YBEY: variants seen among roughly 807,000 people sequenced by gnomAD.
The protein encoded by YBEY is endoribonuclease YbeY.
In YBEY, 15 loss-of-function variants were observed where a neutral mutation model predicts 13.5. The observed-to-expected ratio is 1.11, with a 90% CI of 0.75 to 1.72. The LOEUF (loss-of-function observed/expected upper bound fraction) is 1.72, where lower values mean the gene tolerates loss of function less well. YBEY is among the 40% of genes most tolerant of loss of function. The probability of loss-of-function intolerance (pLI) is 0.00; values close to 1 mark genes in which losing one functional copy is unlikely to be tolerated. For synonymous variants in YBEY, 101 were observed against 83.1 expected, an observed-to-expected ratio of 1.21 and a Z score of -1.17; for missense variants, 244 against 208.4, an observed-to-expected ratio of 1.17 and a Z score of -1.05.
chr21:46,297,620 T>C lies in YBEY; in HGVS notation c.490T>C (p.Phe164Leu). The change falls in exon 5 of 5, where the codon TTC (phenylalanine) becomes CTC (leucine). Residue 164 changes from phenylalanine (F) to leucine (L), a missense_variant. Physicochemically the swap from Phe to Leu is conservative, Grantham distance 22. Transcript: ENST00000397701. Reference protein sequence around the residue: ...TRLQPLTRGLFGGS With the variant: ...TRLQPLTRGLLGGS ...GCTGCAGCCCCTGACCCGGGGCCTC[T>C]TCGGAGGGAGCTGAGGGCCGCGTTC... 1 of 1,348,338 alleles carries C rather than the reference T, an allele frequency of 7.4e-7. No individual in the cohort carries two copies. Among genetic ancestry groups the C allele is most frequent in the Non-Finnish European group, 9.7e-7 (1 of 1,035,978 alleles). 83.5% of individuals were successfully genotyped at this position (1,348,338 alleles called of 1,614,324 possible).
chr21:46,296,936 G>C (rs955495205), intron 4 of YBEY, among the ~76,000 whole-genome samples: 2 of 151,536 alleles, frequency 1.3e-5, no homozygotes, highest in African/African-American at 2.4e-5. Context: ...GGAGGTTGTG[G>C]TTAGCCGAGA....
intron 3 of YBEY, among the ~76,000 whole-genome samples, chr21:46,295,846 ACTT>A (rs1362013580): frequency 9.0e-5 from 2 of 22,188 alleles, no homozygotes; most frequent in African/African-American, 2.2e-4. Context: ...ACCCCTCCCC[ACTT>A]CTTCATATTC....
chr21:46,301,909 C>A, downstream of YBEY: 1 of 1,378,248 alleles, frequency 7.3e-7, no homozygotes, highest in Non-Finnish European at 9.4e-7. Context: ...GGGTCTCTCC[C>A]TGCTCCCTTC....
At chr21:46,302,568 C>T (rs767943229), downstream of YBEY, 3 of 1,611,204 alleles carry the variant, frequency 1.9e-6, no homozygotes, top group African/African-American at 1.3e-5. Context: ...AGCAGCAGCT[C>T]CACCATGTCT....
the YBEY span, among the ~76,000 whole-genome samples, chr21:46,302,760 C>T: frequency 8.1e-5 from 10 of 123,688 alleles, no homozygotes; most frequent in African/African-American, 2.1e-4. Context: ...CGTCTGCACA[C>T]GGTGCGGGTC....
Position 46,286,875 on chromosome 21 carries a change from G to C in YBEY, c.-39G>C, listed in dbSNP as rs1010181298. On this transcript the variant is annotated 5_prime_UTR_variant, in exon 2 of 5. Transcript: ENST00000397701. ...CTCTTACACTTTAACCCCAGGTTCCGTTGCAAACATTTTTAAAGGGCTGGT... is the reference window on the plus strand; with the variant it reads ...CTCTTACACTTTAACCCCAGGTTCCCTTGCAAACATTTTTAAAGGGCTGGT... The C allele has an allele frequency of 6.2e-7, 1 of 1,606,520 alleles. No homozygotes were observed. The highest frequency in any genetic ancestry group is 8.5e-7 in the Non-Finnish European group (1 of 1,174,082).
At chr21:46,312,536 C>G in the YBEY span, among the ~76,000 whole-genome samples, 4 of 152,142 alleles carry the variant, frequency 2.6e-5, no homozygotes, top group Non-Finnish European at 4.4e-5. Flanking sequence ...CCAGGCTGGT[C>G]TCGAACTCCT....
chr21:46,312,132 CAAG>C, the YBEY span, among the ~76,000 whole-genome samples: 1 of 152,152 alleles, frequency 6.6e-6, no homozygotes, highest in Non-Finnish European at 1.5e-5. Context: ...TTCATCCATC[CAAG>C]GAGAACTTTA....
intron 2 of YBEY, among the ~76,000 whole-genome samples, chr21:46,289,700 C>T (rs868061239): frequency 3.3e-5 from 5 of 152,024 alleles, no homozygotes; most frequent in African/African-American, 9.7e-5. Context: ...GTGATCTACC[C>T]GCCTCTGCCT....
At chr21:46,295,502 C>T in intron 3 of YBEY, among the ~76,000 whole-genome samples, 1 of 152,112 alleles carries the variant, frequency 6.6e-6, no homozygotes, top group East Asian at 1.9e-4. Context: ...CCTCCTCCTC[C>T]TCTTCCCCCA....
Position 46,287,103 on chromosome 21 carries a change from C to CT in YBEY, c.193dup (p.Ser65PhefsTer6), listed in dbSNP as rs2081468574. 1 of 1,592,774 alleles carries CT rather than the reference C, an allele frequency of 6.3e-7. No individual in the cohort carries two copies. ...AGATAGAAATGTCCCAACCGATGTG[C>CT]TTTCTTTTCCATTTCATGAGGTAAA... On this transcript the variant is annotated frameshift_variant, in exon 2 of 5. Coordinates refer to ENST00000397701, the MANE Select transcript of YBEY (RefSeq NM_001314025.2). LOFTEE classifies it high-confidence loss of function.
At chr21:46,302,709 C>T (rs1417566387), downstream of YBEY, 1 of 702,620 alleles carries the variant, frequency 1.4e-6, no homozygotes, top group South Asian at 1.8e-5. Context: ...GCTCTGAGTC[C>T]GTCTGCACAC....
intron 3 of YBEY, among the ~76,000 whole-genome samples, chr21:46,294,770 A>ATT (rs926712006): frequency 9.8e-6 from 1 of 101,976 alleles, no homozygotes; most frequent in Non-Finnish European, 2.2e-5. Context: ...AAAAAAAAAA[A>ATT]AAAAAAGGAA....
At chr21:46,300,540 G>T, downstream of YBEY, 1 of 657,858 alleles carries the variant, frequency 1.5e-6, no homozygotes, top group South Asian at 3.1e-5. Context: ...AGAGCACAGA[G>T]TCTCTGGAAT....
At chr21:46,304,797 G>A in the YBEY span, among the ~76,000 whole-genome samples, 7 of 152,326 alleles carry the variant, frequency 4.6e-5, no homozygotes, top group Non-Finnish European at 1.0e-4. Flanking sequence ...CTGGAATCTT[G>A]AGCGGGGACG....
chr21:46,311,762 C>CCCATTCATCCACCCACCCATCCAT, the YBEY span: 1 of 393,158 alleles, frequency 2.5e-6, no homozygotes. Context: ...CATCCATCCA[C>CCCATTCATCCACCCACCCATCCAT]CCATCCATCC....
the YBEY span, among the ~76,000 whole-genome samples, chr21:46,303,733 ATATATATATATAT>A: frequency 3.1e-5 from 1 of 32,230 alleles, no homozygotes; most frequent in African/African-American, 1.4e-4. Context: ...ATATATATAT[ATATATATATATAT>A]TTTTTTTTTT....
rs1372067489 is a variant in YBEY at position 46,297,568 on chromosome 21, C to G, written c.438C>G (p.Asp146Glu). Reference protein sequence around the residue: ...QMFQKEKAVLDELGRRTGTRL... With the variant: ...QMFQKEKAVLEELGRRTGTRL... ...TCCAGAAGGAGAAGGCGGTGCTGGA[C>G]GAGCTGGGCCGACGCACGGGGACCC... Residue 146 changes from aspartate (D) to glutamate (E), a missense_variant, in exon 5 of 5, where the codon GAC (aspartate) becomes GAG (glutamate). Asp to Glu is a conservative substitution (Grantham distance 45, BLOSUM62 2). Coordinates refer to ENST00000397701, the MANE Select transcript of YBEY (RefSeq NM_001314025.2). 2 of 1,391,708 alleles carry G rather than the reference C, an allele frequency of 1.4e-6. No homozygotes were observed. Among genetic ancestry groups the G allele is most frequent in the African/African-American group, 1.5e-5 (1 of 67,124 alleles). 86.2% of individuals were successfully genotyped at this position (1,391,708 alleles called of 1,614,324 possible).
chr21:46,292,373 C>G (rs922438544), intron 3 of YBEY, among the ~76,000 whole-genome samples: 2 of 152,202 alleles, frequency 1.3e-5, no homozygotes, highest in Admixed American at 1.3e-4. Flanking sequence ...GAATTCAGGC[C>G]CCTCCCATCA....
Sources: gnomAD v4.1 joint callset for allele counts (sites outside exome capture counted in the v4.1 genomes callset) on GRCh38, gnomAD v4.1.1 for gene constraint, MANE v1.5 for transcripts, NCBI Gene and HGNC (gene_info 2026-07-23, HGNC 2026-07-21) for gene names.